Variants in NFATC3 observed in about 807,000 individuals in gnomAD.
NFATC3 encodes nuclear factor of activated T-cells, cytoplasmic 3.
Under a neutral mutation model 98.6 loss-of-function variants are expected in NFATC3, and 46 were observed. That is an observed-to-expected ratio of 0.47 (90% confidence interval 0.37 to 0.60). The LOEUF (loss-of-function observed/expected upper bound fraction) is 0.60, where lower values mean the gene tolerates loss of function less well. Among genes scored for constraint, NFATC3 ranks in the 20% least tolerant of loss-of-function variants. The pLI is 0.00. For synonymous variants in NFATC3, 512 were observed against 472.2 expected, an observed-to-expected ratio of 1.08 and a Z score of -1.09; for missense variants, 1,256 against 1,295.5, an observed-to-expected ratio of 0.97 and a Z score of 0.47.
Position 68,183,333 on chromosome 16 carries a change from A to T in NFATC3, c.2065A>T (p.Lys689Ter), listed in dbSNP as rs2040024138. 7.4e-6 allele frequency: 12 copies of T among 1,613,824 alleles called. No homozygotes were observed. Among genetic ancestry groups the T allele is most frequent in the Non-Finnish European group, 9.3e-6 (11 of 1,180,000 alleles). The stretch of plus-strand genomic sequence containing the variant: ...TTATCTTTGCAATGGCAAGAGGAAA[A>T]AAAGCCAGTCTCAACGTTTTACTTA... ...HFYLCNGKRK[K>*]SQSQRFTYTP... The change falls in exon 8 of 10, where the codon AAA becomes TAA. Residue 689 changes from lysine (K) to a stop codon, truncating the protein, a stop_gained. Coordinates refer to ENST00000346183, the MANE Select transcript of NFATC3 (RefSeq NM_173165.3). LOFTEE classifies it high-confidence loss of function.
chr16:68,091,586 T>A (rs2034711342), intron 1 of NFATC3, among the ~76,000 whole-genome samples: 2 of 152,232 alleles, frequency 1.3e-5, no homozygotes, highest in African/African-American at 4.8e-5. Flanking sequence ...TTATTGCTAG[T>A]TGAGTAGTAG....
chr16:68,163,462 C>T (rs1344807161), intron 4 of NFATC3, among the ~76,000 whole-genome samples: 2 of 150,424 alleles, frequency 1.3e-5, no homozygotes, highest in Non-Finnish European at 1.5e-5. Context: ...CGCCCCTCAC[C>T]TCCCGGGCGG....
At chr16:68,126,377 A>G in intron 2 of NFATC3, 71 bp from the exon 3 acceptor site, 2 of 1,420,978 alleles carry the variant, frequency 1.4e-6, no homozygotes, top group Non-Finnish European at 1.9e-6. Flanking sequence ...GGTGCTGGCA[A>G]AGAAGCCATT....
At position 68,122,928 on chromosome 16, in the gene NFATC3, G is replaced by A. The variant is rs1378204757; in HGVS notation, c.1045G>A (p.Ala349Thr). 1.9e-6 allele frequency: 3 copies of A among 1,614,156 alleles called. No individual in the cohort carries two copies. Among genetic ancestry groups the A allele is most frequent in the South Asian group, 1.1e-5 (1 of 91,086 alleles). ...KTRKTSEDQAAILPGKLELCS... is the reference protein window; with the variant it reads ...KTRKTSEDQATILPGKLELCS... ...AAGGAAAACTTCTGAAGATCAAGCT[G>A]CCATACTACCAGGAAAATTAGAGCT... The change falls in exon 2 of 10, where the codon GCC (alanine) becomes ACC (threonine). Residue 349 changes from alanine (A) to threonine (T), a missense_variant. Ala to Thr is a moderately conservative substitution (Grantham distance 58). Around this residue, in one of 3 missense-constraint regions of NFATC3, gnomAD observed 464 missense variants for 465.7 expected, o/e 1.00. Transcript: ENST00000346183.
chr16:68,220,735 G>A (rs1328717913), intron 9 of NFATC3, among the ~76,000 whole-genome samples: 2 of 142,810 alleles, frequency 1.4e-5, no homozygotes, highest in Non-Finnish European at 1.5e-5. Flanking sequence ...GTGAAACCCC[G>A]TCTCTACTAA....
intron 3 of NFATC3, among the ~76,000 whole-genome samples, chr16:68,141,880 T>G (rs2037769754): frequency 6.6e-6 from 1 of 152,150 alleles, no homozygotes; most frequent in African/African-American, 2.4e-5. Flanking sequence ...CATAAATTCT[T>G]TGCCTAGGGT....
chr16:68,216,386 A>G (rs1448926695), intron 9 of NFATC3, among the ~76,000 whole-genome samples: 2 of 152,182 alleles, frequency 1.3e-5, no homozygotes, highest in Non-Finnish European at 2.9e-5. Context: ...ACATGCTGAT[A>G]CTTGAATATA....
At position 68,122,809 on chromosome 16, in the gene NFATC3, C is replaced by T. The variant is rs777598507; in HGVS notation, c.926C>T (p.Thr309Met). 81 of 1,614,238 alleles carry T rather than the reference C, an allele frequency of 5.0e-5. No homozygotes were observed. Among genetic ancestry groups the T allele is most frequent in the Non-Finnish European group, 6.3e-5 (74 of 1,180,036 alleles). ...HSPRGSVTED[T>M]WLNASVHGGS... ...CCCAGGGGAAGTGTGACAGAAGATA[C>T]GTGGCTCAATGCTTCTGTCCATGGT... The change falls in exon 2 of 10, where the codon ACG (threonine) becomes ATG (methionine). Residue 309 changes from threonine (T) to methionine (M), a missense_variant. By Grantham distance (81) the Thr-to-Met change is moderately conservative. This residue lies in a region of NFATC3 where 464 missense variants were observed against 465.7 expected (regional missense o/e 1.00). Transcript: ENST00000346183.
At position 68,087,721 on chromosome 16, in the gene NFATC3, C is replaced by G. The variant is rs569289549; in HGVS notation, c.103+1937C>G. Among the ~76,000 whole-genome samples, 3 of 152,156 alleles carry G rather than the reference C, an allele frequency of 2.0e-5. No homozygotes were observed. In the East Asian group the frequency reaches 5.8e-4, roughly 29 times the overall value. On this transcript the variant is annotated intron_variant, in intron 1 of 9. Transcript: ENST00000346183. ...TGCCCCATATTTTTCCTTCCCTCCTCCCAACCCCTAGTAGCCACCAGTCTG... is the reference window on the plus strand; with the variant it reads ...TGCCCCATATTTTTCCTTCCCTCCTGCCAACCCCTAGTAGCCACCAGTCTG...
At position 68,191,417 on chromosome 16, in the gene NFATC3, T is replaced by G. The variant is rs368944419; in HGVS notation, c.2748T>G (p.Gly916=). 1 of 1,614,028 alleles carries G rather than the reference T, an allele frequency of 6.2e-7. No individual in the cohort carries two copies. The highest frequency in any genetic ancestry group is 8.5e-7 in the Non-Finnish European group (1 of 1,180,040). Residue 916 remains glycine (G), a synonymous_variant, in exon 9 of 10, where the codon GGT becomes GGG. Transcript: ENST00000346183. ...CTCAGTTACAACCTATTACATATGG[T>G]CCTTCACATTCAGGGTCTGCTACAA... The part of the protein sequence containing the change: ...PSSQLQPITY[G]PSHSGSATTA...
intron 6 of NFATC3, among the ~76,000 whole-genome samples, chr16:68,176,533 C>T (rs2039717115): frequency 6.6e-6 from 1 of 151,948 alleles, no homozygotes; most frequent in Non-Finnish European, 1.5e-5. Context: ...CTGGATATTT[C>T]GATATTGTCC....
chr16:68,145,518 A>G (rs2037997340), intron 3 of NFATC3, among the ~76,000 whole-genome samples: 1 of 152,220 alleles, frequency 6.6e-6, no homozygotes, highest in African/African-American at 2.4e-5. Context: ...TATCCATACA[A>G]TGTACTACCA....
At chr16:68,165,236 T>C (rs1380720166) in intron 4 of NFATC3, among the ~76,000 whole-genome samples, 2 of 152,176 alleles carry the variant, frequency 1.3e-5, no homozygotes, top group Admixed American at 6.5e-5. Context: ...TAATTTGTTA[T>C]CTATAAATGG....
intron 3 of NFATC3, among the ~76,000 whole-genome samples, chr16:68,137,143 A>G (rs2037461645): frequency 6.6e-6 from 1 of 152,188 alleles, no homozygotes; most frequent in Non-Finnish European, 1.5e-5. Context: ...GTGAATTTTA[A>G]AAAAATCTTT....
chr16:68,209,851 A>G (rs1230688640), intron 9 of NFATC3: 2 of 221,034 alleles, frequency 9.0e-6, no homozygotes, highest in Non-Finnish European at 9.1e-6. Context: ...ACACACACAG[A>G]CACACACACA....
intron 2 of NFATC3, among the ~76,000 whole-genome samples, chr16:68,125,608 C>A (rs2036793313): frequency 6.6e-6 from 1 of 152,048 alleles, no homozygotes; most frequent in Non-Finnish European, 1.5e-5. Flanking sequence ...GAAGTGATAA[C>A]TTCAGTAGGC....
At chr16:68,126,881 T>C (rs2036860396) in intron 3 of NFATC3, among the ~76,000 whole-genome samples, 8 of 152,182 alleles carry the variant, frequency 5.3e-5, no homozygotes, top group Admixed American at 5.2e-4. Flanking sequence ...CAAACAAATA[T>C]GGCCGTATTA....
At chr16:68,089,401 A>G in intron 1 of NFATC3, 1 of 536,298 alleles carries the variant, frequency 1.9e-6, no homozygotes, top group Non-Finnish European at 2.4e-6. Context: ...TTTCCATTAA[A>G]GAAAATTTAA....
chr16:68,203,438 CT>C (rs2041010880), intron 9 of NFATC3, among the ~76,000 whole-genome samples: 1 of 151,828 alleles, frequency 6.6e-6, no homozygotes, highest in Non-Finnish European at 1.5e-5. Context: ...TTGAGACCAG[CT>C]TGGGCAACAT....
Sources: allele counts gnomAD v4.1 joint callset (sites outside exome capture counted in the v4.1 genomes callset), GRCh38; gene constraint gnomAD v4.1.1; regional missense constraint gnomAD v4.1.1; transcripts MANE v1.5; gene names NCBI Gene and HGNC (gene_info 2026-07-23, HGNC 2026-07-21).